Variants in DAB1 observed in about 807,000 individuals in gnomAD.
The protein encoded by DAB1 is disabled homolog 1.
In DAB1, 15 loss-of-function variants were observed where a neutral mutation model predicts 64.6. The ratio of observed to expected loss-of-function variants is 0.23; its 90% CI spans 0.16 to 0.36. The LOEUF is 0.36. Ranked by LOEUF, DAB1 falls within the 10% of genes least tolerant of loss-of-function variation. The pLI, the probability that DAB1 is intolerant of heterozygous loss-of-function variation, is 1.00. For missense variants in DAB1, 596 were observed against 706.7 expected (o/e 0.84, Z 1.78); for synonymous variants, 235 against 251.9 (o/e 0.93, Z 0.64).
intron 6 of DAB1, among the ~76,000 whole-genome samples, chr1:57,806,315 A>G (rs2101878733): frequency 6.6e-6 from 1 of 152,322 alleles, no homozygotes; most frequent in African/African-American, 2.4e-5. Flanking sequence ...GGATAGGGCC[A>G]TTACAGAGGT....
At chr1:57,886,563 T>A (rs1169009036), upstream of DAB1, among the ~76,000 whole-genome samples, 1 of 152,140 alleles carries the variant, frequency 6.6e-6, no homozygotes, top group African/African-American at 2.4e-5. Context: ...ATATCTCATT[T>A]AACATTTCAT....
intron 7 of DAB1, among the ~76,000 whole-genome samples, chr1:57,529,124 T>A (rs1353755526): frequency 1.3e-5 from 1 of 75,402 alleles, no homozygotes; most frequent in Non-Finnish European, 3.1e-5. Flanking sequence ...AGTTATTACA[T>A]TATTCACAAA....
At chr1:57,345,406 T>C (rs370889576) in intron 1 of DAB1, among the ~76,000 whole-genome samples, 74 of 152,220 alleles carry the variant, frequency 4.9e-4, no homozygotes, top group African/African-American at 1.8e-3. Context: ...GACATAAGGA[T>C]GGTCAATAAA....
At chr1:57,481,514 T>G (rs72911219) in intron 7 of DAB1, among the ~76,000 whole-genome samples, 7,153 of 152,236 alleles carry the variant, frequency 0.047, 494 homozygotes, top group African/African-American at 0.15. Flanking sequence ...TTATTCATAA[T>G]ACAGCCACGA....
Position 58,282,843 on chromosome 1 carries a change from C to T in DAB1, n.309+60509G>A, listed in dbSNP as rs374452018. ...AGGGAGCGACTGCTCCCAGCTCTGTCGGCAGCCGCTTCTGAAGCTACCATA... is the reference window on the plus strand; with the variant it reads ...AGGGAGCGACTGCTCCCAGCTCTGTTGGCAGCCGCTTCTGAAGCTACCATA... On this transcript the variant is annotated intron_variant and non_coding_transcript_variant, in intron 4 of 20. Transcript: ENST00000485760. 1.2e-4 allele frequency among the ~76,000 whole-genome samples: 19 copies of T among 152,330 alleles called. No individual in the cohort carries two copies. The East Asian group carries it at 2.9e-3, about 23-fold the overall frequency.
chr1:57,786,304 C>A (rs1438488778), intron 6 of DAB1, among the ~76,000 whole-genome samples: 1 of 152,088 alleles, frequency 6.6e-6, no homozygotes. Flanking sequence ...ACCCACAATA[C>A]CTCTAAGGTA....
chr1:57,221,260 TG>T (rs35293241), intron 2 of DAB1, among the ~76,000 whole-genome samples: 3 of 107,130 alleles, frequency 2.8e-5, no homozygotes, highest in Non-Finnish European at 3.9e-5. Flanking sequence ...GGTGGGGGGA[TG>T]GGGGAGGGAT....
chr1:58,168,809 T>C (rs940309420), intron 4 of DAB1, among the ~76,000 whole-genome samples: 6 of 152,198 alleles, frequency 3.9e-5, no homozygotes, highest in Non-Finnish European at 5.9e-5. Flanking sequence ...CACTTCATTT[T>C]TGGGGCATAA....
At chr1:57,183,905 G>A (rs750151686) in intron 2 of DAB1, among the ~76,000 whole-genome samples, 1 of 152,124 alleles carries the variant, frequency 6.6e-6, no homozygotes, top group Non-Finnish European at 1.5e-5. Flanking sequence ...AAGTTTTCTG[G>A]AGGAGACACC....
chr1:57,487,732 T>G (rs1487394579), intron 7 of DAB1, among the ~76,000 whole-genome samples: 2 of 152,220 alleles, frequency 1.3e-5, no homozygotes, highest in Non-Finnish European at 2.9e-5. Flanking sequence ...TCTAGATTTT[T>G]GTAGGTACAC....
intron 2 of DAB1, among the ~76,000 whole-genome samples, chr1:58,511,473 C>T (rs949560657): frequency 2.0e-5 from 3 of 152,000 alleles, no homozygotes; most frequent in African/African-American, 7.3e-5. Flanking sequence ...CATGGTGAAA[C>T]CATCTCTACA....
At chr1:58,284,451 G>T (rs1043906804) in intron 4 of DAB1, among the ~76,000 whole-genome samples, 2 of 152,192 alleles carry the variant, frequency 1.3e-5, no homozygotes, top group African/African-American at 4.8e-5. Flanking sequence ...CCCCAACCTG[G>T]CTTCTCCAGT....
chr1:57,235,686 C>T (rs369658479), intron 2 of DAB1, among the ~76,000 whole-genome samples: 4 of 147,008 alleles, frequency 2.7e-5, no homozygotes, highest in East Asian at 4.1e-4. Flanking sequence ...TCTCTAGTCC[C>T]ATGTTTTCCA....
intron 4 of DAB1, among the ~76,000 whole-genome samples, chr1:58,326,435 C>A (rs1448171254): frequency 1.3e-5 from 2 of 152,144 alleles, no homozygotes; most frequent in African/African-American, 4.8e-5. Context: ...ATGCAGAAAC[C>A]CCCATCGTGC....
chr1:57,738,310 AT>A (rs1273142735), intron 6 of DAB1, among the ~76,000 whole-genome samples: 1 of 152,250 alleles, frequency 6.6e-6, no homozygotes, highest in African/African-American at 2.4e-5. Context: ...AGTTTAAATT[AT>A]AAGTCAATTC....
At chr1:58,138,195 A>G (rs1348453103) in intron 5 of DAB1, among the ~76,000 whole-genome samples, 3 of 152,170 alleles carry the variant, frequency 2.0e-5, no homozygotes, top group Admixed American at 2.0e-4. Flanking sequence ...AATAACTTCT[A>G]TACCTTCACT....
At position 57,764,623 on chromosome 1, in the gene DAB1, T is replaced by G. The variant is rs116041820; in HGVS notation, n.552-114958A>C. Among the ~76,000 whole-genome samples the G allele has an allele frequency of 2.9e-3, 443 of 152,292 alleles. 2 individuals carry two copies. Among genetic ancestry groups the G allele is most frequent in the African/African-American group, 0.01 (430 of 41,560 alleles). On this transcript the variant is annotated intron_variant and non_coding_transcript_variant, in intron 6 of 20. Transcript: ENST00000485760. Reference sequence around the variant, plus strand: ...AGCCTCTAGTATACTCTGTTCTACTTTTTACTTCCATAAGATCAGTGGTTT... The same window carrying G: ...AGCCTCTAGTATACTCTGTTCTACTGTTTACTTCCATAAGATCAGTGGTTT...
rs796859702 is a variant in DAB1, at chr1:58,089,123, AT to A, written n.387+61387del. ...TCATGGATTTGTGAAAATCCATGCC[AT>A]TTTTTTCCCACCATATCTAAGGAAA... On this transcript the variant is annotated intron_variant and non_coding_transcript_variant, in intron 5 of 20. Coordinates refer to the DAB1 transcript ENST00000485760. 3.3e-5 allele frequency among the ~76,000 whole-genome samples: 5 copies of A among 152,194 alleles called. No individual in the cohort carries two copies. In the South Asian group the frequency reaches 8.3e-4, roughly 25 times the overall value.
At chr1:57,616,906 A>AGGATT (rs1645796533) in intron 7 of DAB1, among the ~76,000 whole-genome samples, 3 of 152,180 alleles carry the variant, frequency 2.0e-5, no homozygotes, top group African/African-American at 7.2e-5. Context: ...AGGGTGGCAG[A>AGGATT]GGATTGGTAA....
Sources: allele counts gnomAD v4.1 joint callset (sites outside exome capture counted in the v4.1 genomes callset), GRCh38; gene constraint gnomAD v4.1.1; transcripts MANE v1.5; gene names NCBI Gene and HGNC (gene_info 2026-07-23, HGNC 2026-07-21).